GALNT11: variants seen among roughly 807,000 people sequenced by gnomAD.
GALNT11 encodes the protein polypeptide N-acetylgalactosaminyltransferase 11.
Under a neutral mutation model 72.7 loss-of-function variants are expected in GALNT11, and 47 were observed. The observed-to-expected ratio is 0.65, with a 90% CI of 0.51 to 0.82. GALNT11 has a LOEUF of 0.82. GALNT11 is among the 40% of genes least tolerant of loss of function. GALNT11 has a pLI of 0.00. For synonymous variants in GALNT11, 270 were observed against 286.6 expected (o/e 0.94, Z 0.58); for missense variants, 677 against 778.4 (o/e 0.87, Z 1.55).
At chr7:152,119,260 C>G (rs942095122) in intron 10 of GALNT11, 1 of 152,296 alleles carries the variant, frequency 6.6e-6, no homozygotes, top group African/African-American at 2.4e-5. Context: ...AATTTCATTT[C>G]AGCTTATGTA....
chr7:152,035,738 G>A (rs966818455), intron 1 of GALNT11, among the ~76,000 whole-genome samples: 22 of 152,312 alleles, frequency 1.4e-4, no homozygotes, highest in South Asian at 1.0e-3. Context: ...TTAACTGGCC[G>A]ACAGGTGCCT....
At chr7:152,051,756 A>C (rs1420342575) in intron 1 of GALNT11, among the ~76,000 whole-genome samples, 1 of 151,586 alleles carries the variant, frequency 6.6e-6, no homozygotes, top group Non-Finnish European at 1.5e-5. Context: ...AAATAGAAAA[A>C]CCTCTCTTTA....
chr7:152,076,061 CAAAAAAAAAAAA>C (rs71198757), intron 1 of GALNT11, among the ~76,000 whole-genome samples: 4 of 71,314 alleles, frequency 5.6e-5, no homozygotes, highest in East Asian at 5.0e-4. Flanking sequence ...GACTCCGTCT[CAAAAAAAAAAAA>C]AAAAAAAAAA....
intron 1 of GALNT11, among the ~76,000 whole-genome samples, chr7:152,050,842 G>C (rs1192737985): frequency 6.6e-6 from 1 of 152,188 alleles, no homozygotes; most frequent in Non-Finnish European, 1.5e-5. Context: ...AGCTCTAAAT[G>C]CTTCCTCTGT....
At chr7:152,068,676 A>G (rs1234381316) in intron 1 of GALNT11, among the ~76,000 whole-genome samples, 1 of 152,154 alleles carries the variant, frequency 6.6e-6, no homozygotes, top group Non-Finnish European at 1.5e-5. Flanking sequence ...AAGAGAGGGT[A>G]CAATCTAATC....
chr7:152,058,436 C>A (rs538499293), intron 1 of GALNT11, among the ~76,000 whole-genome samples: 3 of 152,090 alleles, frequency 2.0e-5, no homozygotes, highest in African/African-American at 7.2e-5. Flanking sequence ...CCGGTTCAAG[C>A]GATACTCCTG....
At chr7:152,038,877 G>T (rs2082714101) in intron 1 of GALNT11, among the ~76,000 whole-genome samples, 1 of 152,148 alleles carries the variant, frequency 6.6e-6, no homozygotes, top group South Asian at 2.1e-4. Context: ...TTAAATATTT[G>T]TTCTTTTAAT....
At chr7:152,061,408 C>A (rs1332237585) in intron 1 of GALNT11, among the ~76,000 whole-genome samples, 2 of 151,976 alleles carry the variant, frequency 1.3e-5, no homozygotes, top group African/African-American at 4.8e-5. Flanking sequence ...TAAAATTTTT[C>A]TCCCATTCTG....
chr7:152,117,412 G>A, intron 9 of GALNT11, 37 bp downstream of exon 9: 1 of 1,604,046 alleles, frequency 6.2e-7, no homozygotes, highest in Non-Finnish European at 8.5e-7. Flanking sequence ...CTTATGAAAA[G>A]CGTTTGATAT....
chr7:152,029,702 C>T (rs2082212309), intron 1 of GALNT11, among the ~76,000 whole-genome samples: 1 of 152,248 alleles, frequency 6.6e-6, no homozygotes, highest in Non-Finnish European at 1.5e-5. Context: ...TTTCCTAACT[C>T]TGCTTCTACA....
At chr7:152,073,873 T>G (rs2084805919) in intron 1 of GALNT11, among the ~76,000 whole-genome samples, 1 of 152,238 alleles carries the variant, frequency 6.6e-6, no homozygotes, top group Admixed American at 6.5e-5. Flanking sequence ...CTCATTGTGC[T>G]TCTGATTTGC....
chr7:152,081,041 A>T (rs1269499357), intron 1 of GALNT11, among the ~76,000 whole-genome samples: 1 of 152,122 alleles, frequency 6.6e-6, no homozygotes, highest in Non-Finnish European at 1.5e-5. Flanking sequence ...TTGCCTGTAG[A>T]TCTTCTACTG....
In GALNT11 at chr7:152,113,442, C is replaced by T. The variant is rs1168882889; in HGVS notation, c.1233+44C>T. Reference sequence around the variant, plus strand: ...TTTAGAAGGATGAATGATAGGCCGGCAGTGACTGGCCTAGTGATAGCTTTA... The same window carrying T: ...TTTAGAAGGATGAATGATAGGCCGGTAGTGACTGGCCTAGTGATAGCTTTA... On this transcript the variant is annotated intron_variant, in intron 8 of 11. Transcript: ENST00000430044. The T allele has an allele frequency of 4.4e-6, 7 of 1,595,712 alleles. No homozygotes were observed. The East Asian group carries it at 1.1e-4, about 26-fold the overall frequency.
At chr7:152,103,540 G>A in intron 4 of GALNT11, 1 of 365,862 alleles carries the variant, frequency 2.7e-6, no homozygotes, top group Non-Finnish European at 5.2e-6. Flanking sequence ...TGAAATAACT[G>A]TAGGTTCACA....
At chr7:152,037,861 T>C (rs753233903) in intron 1 of GALNT11, among the ~76,000 whole-genome samples, 2 of 152,026 alleles carry the variant, frequency 1.3e-5, no homozygotes, top group Non-Finnish European at 2.9e-5. Flanking sequence ...CTCCACCTCC[T>C]GGGTTCGCAT....
At chr7:152,049,593 C>G (rs937793397) in intron 1 of GALNT11, among the ~76,000 whole-genome samples, 1 of 152,184 alleles carries the variant, frequency 6.6e-6, no homozygotes, top group African/African-American at 2.4e-5. Flanking sequence ...CAGCACAACA[C>G]CAGGTCTCAA....
At chr7:152,031,977 G>A (rs963676570) in intron 1 of GALNT11, among the ~76,000 whole-genome samples, 3 of 152,188 alleles carry the variant, frequency 2.0e-5, no homozygotes, top group African/African-American at 4.8e-5. Context: ...GGCTGTATTC[G>A]TTCCTTGCCA....
chr7:152,031,192 C>T (rs929905902), intron 1 of GALNT11, among the ~76,000 whole-genome samples: 2 of 152,220 alleles, frequency 1.3e-5, no homozygotes, highest in Non-Finnish European at 2.9e-5. Flanking sequence ...AGTACGGTTA[C>T]GTCACTAACT....
intron 1 of GALNT11, among the ~76,000 whole-genome samples, chr7:152,029,198 G>A (rs950270650): frequency 6.6e-6 from 1 of 152,178 alleles, no homozygotes; most frequent in Admixed American, 6.5e-5. Context: ...GGCCTCGGTG[G>A]TTTTGGAGAG....
Sources: allele counts gnomAD v4.1 joint callset (sites outside exome capture counted in the v4.1 genomes callset), GRCh38; gene constraint gnomAD v4.1.1; transcripts MANE v1.5; gene names NCBI Gene and HGNC (gene_info 2026-07-23, HGNC 2026-07-21).